TBC1D22A: variants seen among roughly 807,000 people sequenced by gnomAD.
TBC1D22A encodes putative GTPase activator.
A neutral mutation model predicts 60.2 loss-of-function variants in TBC1D22A; 38 were observed. That is an observed-to-expected ratio of 0.63 (90% CI 0.49 to 0.83). TBC1D22A has a LOEUF of 0.83. TBC1D22A is among the 40% of genes least tolerant of loss of function. TBC1D22A has a pLI of 0.00. For missense variants in TBC1D22A, 628 were observed against 701.0 expected (o/e 0.90, Z 1.18); for synonymous variants, 302 against 281.7 (o/e 1.07, Z -0.72).
intron 11 of TBC1D22A, among the ~76,000 whole-genome samples, chr22:47,081,450 C>G (rs2064464771): frequency 1.3e-5 from 2 of 152,182 alleles, no homozygotes; most frequent in South Asian, 4.1e-4. Context: ...GAATTCTGCT[C>G]TCACTACTTC....
chr22:46,809,894 A>G (rs2085309789), intron 4 of TBC1D22A, among the ~76,000 whole-genome samples: 1 of 152,196 alleles, frequency 6.6e-6, no homozygotes, highest in Non-Finnish European at 1.5e-5. Context: ...TATTCAGGTT[A>G]ATATTACATC....
intron 11 of TBC1D22A, among the ~76,000 whole-genome samples, chr22:47,100,340 G>A (rs542396512): frequency 2.0e-5 from 3 of 152,060 alleles, no homozygotes; most frequent in South Asian, 4.2e-4. Context: ...GGGCACAGGG[G>A]TAAGCCTGGA....
intron 9 of TBC1D22A, among the ~76,000 whole-genome samples, chr22:46,991,502 G>A (rs546099115): frequency 6.6e-6 from 1 of 152,340 alleles, no homozygotes; most frequent in Non-Finnish European, 1.5e-5. Flanking sequence ...CTACGTTCAG[G>A]TGCATGAGCC....
In TBC1D22A at chr22:47,111,517, G is replaced by T. The variant is rs1377904081; in HGVS notation, c.1339G>T (p.Asp447Tyr). The T allele has an allele frequency of 6.2e-7, 1 of 1,613,946 alleles. No individual in the cohort carries two copies. Among genetic ancestry groups the T allele is most frequent in the Admixed American group, 1.7e-5 (1 of 60,008 alleles). The change falls in exon 12 of 13, where the codon GAC (aspartate) becomes TAC (tyrosine). Residue 447 changes from aspartate (D) to tyrosine (Y), a missense_variant. By Grantham distance (160) the Asp-to-Tyr change is radical. Transcript: ENST00000337137. Reference protein sequence around the residue: ...RLWDTYQSEPDGFSHFHLYVC... With the variant: ...RLWDTYQSEPYGFSHFHLYVC... ...ATTTTTTCTCTTTTAGTCTGAACCGGACGGCTTTTCTCATTTCCACTTGTA... is the reference window on the plus strand; with the variant it reads ...ATTTTTTCTCTTTTAGTCTGAACCGTACGGCTTTTCTCATTTCCACTTGTA...
chr22:47,102,744 CT>C (rs2065466884), intron 11 of TBC1D22A, among the ~76,000 whole-genome samples: 6 of 152,094 alleles, frequency 3.9e-5, no homozygotes, highest in Admixed American at 2.6e-4. Flanking sequence ...TCCAGCCTTA[CT>C]AATTCAGAGT....
At chr22:46,937,697 T>C (rs1482077444) in intron 8 of TBC1D22A, among the ~76,000 whole-genome samples, 1 of 152,248 alleles carries the variant, frequency 6.6e-6, no homozygotes, top group Non-Finnish European at 1.5e-5. Context: ...CCCTGTGTGC[T>C]GTTGTCCCTG....
rs2064585440 is a variant in TBC1D22A at position 47,084,141 on chromosome 22, T to C, written c.1330-27367T>C. Among the ~76,000 whole-genome samples, 3 of 152,226 alleles carry C rather than the reference T, an allele frequency of 2.0e-5. No homozygotes were observed. In the South Asian group the frequency reaches 6.2e-4, roughly 31 times the overall value. ...TACGCAGTCAGGCTGCCCTGTCTAG[T>C]ATGGTGGCCATTAGCCACATGCAGT... On this transcript the variant is annotated intron_variant, in intron 11 of 12. Coordinates refer to ENST00000337137, the MANE Select transcript of TBC1D22A (RefSeq NM_014346.5).
intron 11 of TBC1D22A, among the ~76,000 whole-genome samples, chr22:47,072,862 G>A (rs985254282): frequency 2.0e-5 from 3 of 152,238 alleles, no homozygotes; most frequent in African/African-American, 7.2e-5. Flanking sequence ...TGCCCTGCCT[G>A]TCTGCTGGGA....
chr22:47,128,814 T>G (rs2066585246), intron 12 of TBC1D22A, among the ~76,000 whole-genome samples: 1 of 152,208 alleles, frequency 6.6e-6, no homozygotes, highest in Non-Finnish European at 1.5e-5. Flanking sequence ...GGCTGTGTAC[T>G]GCGTCCGAGG....
chr22:47,011,112 C>T (rs543906866), intron 10 of TBC1D22A, among the ~76,000 whole-genome samples: 2 of 152,324 alleles, frequency 1.3e-5, no homozygotes, highest in South Asian at 4.1e-4. Flanking sequence ...TCACTGATCT[C>T]AGCTTCCCCG....
In TBC1D22A at chr22:46,793,570, G is replaced by A; in HGVS notation, c.189G>A (p.Glu63=). 1 of 1,614,178 alleles carries A rather than the reference G, an allele frequency of 6.2e-7. No homozygotes were observed. Among genetic ancestry groups the A allele is most frequent in the Middle Eastern group, 1.7e-4 (1 of 6,058 alleles). The change falls in exon 3 of 13, where the codon GAG becomes GAA. Residue 63 remains glutamate, a synonymous_variant. Coordinates refer to ENST00000337137, the MANE Select transcript of TBC1D22A (RefSeq NM_014346.5). Reference sequence around the variant, plus strand: ...CCAAGAGGGTCAGCACCTTCCAGGAGTTTGAGAGCAATACCAGCGATGCCT... The same window carrying A: ...CCAAGAGGGTCAGCACCTTCCAGGAATTTGAGAGCAATACCAGCGATGCCT... ...VKAKRVSTFQ[E]FESNTSDAWD...
chr22:47,084,936 T>G (rs1354212761), intron 11 of TBC1D22A, among the ~76,000 whole-genome samples: 1 of 152,218 alleles, frequency 6.6e-6, no homozygotes, highest in Non-Finnish European at 1.5e-5. Flanking sequence ...CAATAGATGG[T>G]AACTCTAAGC....
chr22:46,788,719 A>G (rs1220396675), intron 1 of TBC1D22A, among the ~76,000 whole-genome samples: 1 of 152,208 alleles, frequency 6.6e-6, no homozygotes, highest in African/African-American at 2.4e-5. Context: ...ACTCACTCTG[A>G]TGTATGCAGA....
intron 7 of TBC1D22A, among the ~76,000 whole-genome samples, chr22:46,904,406 C>T (rs1318028): frequency 0.36 from 54,155 of 151,046 alleles, 11,878 homozygotes; most frequent in East Asian, 0.63. Flanking sequence ...TCGGCAATAC[C>T]ATCCGAGTGT....
chr22:46,818,968 C>T (rs2147083715), intron 4 of TBC1D22A, among the ~76,000 whole-genome samples: 1 of 152,176 alleles, frequency 6.6e-6, no homozygotes, highest in Admixed American at 6.5e-5. Context: ...TAGCTGTATT[C>T]CTTGGTATTT....
chr22:46,846,158 T>G (rs1399604623), intron 4 of TBC1D22A, among the ~76,000 whole-genome samples: 1 of 152,174 alleles, frequency 6.6e-6, no homozygotes, highest in Non-Finnish European at 1.5e-5. Context: ...GCCGAGTGCT[T>G]TTTCTCCCCT....
At chr22:46,884,704 A>G (rs557310770) in intron 5 of TBC1D22A, among the ~76,000 whole-genome samples, 173 of 152,370 alleles carry the variant, frequency 1.1e-3, no homozygotes, top group African/African-American at 3.9e-3. Flanking sequence ...TTGTGTTCCC[A>G]TAACACTTTA....
intron 10 of TBC1D22A, 50 bp downstream of exon 10, chr22:46,997,759 C>G: frequency 1.3e-6 from 2 of 1,571,566 alleles, no homozygotes; most frequent in Non-Finnish European, 1.7e-6. Context: ...GGGAGGTGGC[C>G]CTCAGCCCTC....
At chr22:47,017,910 C>T (rs2061958801) in intron 10 of TBC1D22A, among the ~76,000 whole-genome samples, 1 of 152,260 alleles carries the variant, frequency 6.6e-6, no homozygotes, top group Non-Finnish European at 1.5e-5. Context: ...TTGTCCTGCT[C>T]TCTTGGTAGC....
Sources: gnomAD v4.1 joint callset for allele counts (sites outside exome capture counted in the v4.1 genomes callset) on GRCh38, gnomAD v4.1.1 for gene constraint, MANE v1.5 for transcripts, NCBI Gene and HGNC (gene_info 2026-07-23, HGNC 2026-07-21) for gene names.